WDR20: variants seen among roughly 807,000 people sequenced by gnomAD.
The protein encoded by WDR20 is WD repeat-containing protein 20.
A neutral mutation model predicts 38.7 loss-of-function variants in WDR20; 3 were observed. That is an observed-to-expected ratio of 0.08 (90% confidence interval 0.04 to 0.20). The LOEUF (loss-of-function observed/expected upper bound fraction) is 0.20. Ranked by LOEUF, WDR20 falls within the 10% of genes least tolerant of loss-of-function variation. The pLI is 1.00. For missense variants in WDR20, 559 were observed against 727.7 expected, an observed-to-expected ratio of 0.77 and a Z score of 2.67; for synonymous variants, 298 against 285.6, an observed-to-expected ratio of 1.04 and a Z score of -0.44.
At chr14:102,214,336 C>T, downstream of WDR20, 1 of 985,412 alleles carries the variant, frequency 1.0e-6, no homozygotes, top group Non-Finnish European at 1.2e-6. Context: ...CACAGCGACC[C>T]CAAGTGATGT....
In WDR20 at chr14:102,208,170, C is replaced by T. The variant is rs1341714529; in HGVS notation, c.433-433C>T. Among the ~76,000 whole-genome samples the T allele has an allele frequency of 6.6e-6, 1 of 152,246 alleles. No individual in the cohort carries two copies. Among genetic ancestry groups the T allele is most frequent in the Non-Finnish European group, 1.5e-5 (1 of 68,044 alleles). ...GAACCCGTGAGGGTGAGGCAGAGCC[C>T]TCCTGGCTGTGAGGACTCACAGGCT... On this transcript the variant is annotated intron_variant, in intron 2 of 2. Transcript: ENST00000342702. This position sits in a 1 kb window ranked among gnomAD's most constrained non-coding sequence, Gnocchi z 5.6.
chr14:102,140,352 C>A, intron 1 of WDR20, 180 bp downstream of exon 1: 3 of 1,001,702 alleles, frequency 3.0e-6, no homozygotes, highest in Non-Finnish European at 2.7e-6. Context: ...AGGGTGGTGG[C>A]GGTGGCGTTT....
intron 1 of WDR20, among the ~76,000 whole-genome samples, chr14:102,188,328 CT>C (rs2065387213): frequency 6.6e-6 from 1 of 152,192 alleles, no homozygotes; most frequent in African/African-American, 2.4e-5. Flanking sequence ...AGGCTGCAAG[CT>C]TTTTGCCTTT....
intron 1 of WDR20, among the ~76,000 whole-genome samples, chr14:102,192,697 C>T (rs1007607061): frequency 2.6e-5 from 4 of 152,230 alleles, no homozygotes; most frequent in Middle Eastern, 3.4e-3. Flanking sequence ...AGAAACATTA[C>T]GTATTTTTTA....
Position 102,207,757 on chromosome 14 carries a change from T to C in WDR20, c.433-846T>C, listed in dbSNP as rs1377034880. ...TTGATTGGCAAGCAGGGAAAGAGACTTGTGCCTTTGGTGGGGCAGGTATTT... is the reference window on the plus strand; with the variant it reads ...TTGATTGGCAAGCAGGGAAAGAGACCTGTGCCTTTGGTGGGGCAGGTATTT... On this transcript the variant is annotated intron_variant, in intron 2 of 2. Transcript: ENST00000342702. This position sits in a 1 kb window ranked among gnomAD's most constrained non-coding sequence, Gnocchi z 5.0. Among the ~76,000 whole-genome samples the C allele has an allele frequency of 6.6e-6, 1 of 152,202 alleles. No individual in the cohort carries two copies. Among genetic ancestry groups the C allele is most frequent in the Non-Finnish European group, 1.5e-5 (1 of 68,030 alleles).
At chr14:102,206,145 C>T (rs954761268) in intron 2 of WDR20, among the ~76,000 whole-genome samples, 4 of 152,124 alleles carry the variant, frequency 2.6e-5, no homozygotes, top group African/African-American at 9.7e-5. Context: ...CACTACCATG[C>T]CCAGCTAATT....
intron 1 of WDR20, among the ~76,000 whole-genome samples, chr14:102,166,078 G>C (rs1329508442): frequency 6.6e-6 from 1 of 151,802 alleles, no homozygotes; most frequent in African/African-American, 2.4e-5. Flanking sequence ...TGCAACCTTC[G>C]CCTCTTGGGC....
intron 2 of WDR20, among the ~76,000 whole-genome samples, chr14:102,199,682 G>A (rs1316626099): frequency 1.3e-5 from 2 of 152,112 alleles, no homozygotes; most frequent in African/African-American, 4.8e-5. Context: ...CTGGTGCCTG[G>A]TACATGAAAA....
At chr14:102,151,886 C>G (rs576818118) in intron 1 of WDR20, among the ~76,000 whole-genome samples, 86 of 151,646 alleles carry the variant, frequency 5.7e-4, no homozygotes, top group African/African-American at 1.9e-3. Flanking sequence ...TCTATAGGAG[C>G]ATGCTACCAC....
chr14:102,213,071 G>A (rs2062760131), downstream of WDR20: 2 of 988,140 alleles, frequency 2.0e-6, no homozygotes, highest in African/African-American at 1.7e-5. Flanking sequence ...ACCTTCTGAA[G>A]GTGCCAGGCC....
rs1356921258 is a variant in WDR20, at chr14:102,155,288, T to G, written c.249+15116T>G. On this transcript the variant is annotated intron_variant, in intron 1 of 2. Transcript: ENST00000342702. ...GGTACTGTCAAATGTAAGATATTTC[T>G]TTTAGTTATACAAGGATATACCAAA... Among the ~76,000 whole-genome samples, 3 of 152,234 alleles carry G rather than the reference T, an allele frequency of 2.0e-5. No homozygotes were observed. The East Asian group carries it at 5.8e-4, about 29-fold the overall frequency.
At chr14:102,183,139 A>C (rs898437269) in intron 1 of WDR20, among the ~76,000 whole-genome samples, 9 of 152,218 alleles carry the variant, frequency 5.9e-5, no homozygotes, top group African/African-American at 2.2e-4. Flanking sequence ...ATATATGACA[A>C]ATGACTAACA....
intron 1 of WDR20, among the ~76,000 whole-genome samples, chr14:102,141,586 T>C (rs962835255): frequency 6.6e-6 from 1 of 152,280 alleles, no homozygotes; most frequent in Admixed American, 6.5e-5. Context: ...ACTGACTTGT[T>C]TGGGTGACCT....
downstream of WDR20, among the ~76,000 whole-genome samples, chr14:102,219,750 C>T (rs566234255): frequency 1.6e-4 from 25 of 152,372 alleles, no homozygotes; most frequent in South Asian, 5.2e-3. Context: ...CATGGCGATG[C>T]ATTCTAAAAG....
intron 1 of WDR20, among the ~76,000 whole-genome samples, chr14:102,156,322 C>A (rs569299123): frequency 6.6e-6 from 1 of 151,634 alleles, no homozygotes; most frequent in African/African-American, 2.4e-5. Flanking sequence ...CACCCACCCC[C>A]ACGTCCAGCT....
chr14:102,213,163 GCGATGGGGCAGGCTTCTAAACACTA>G, downstream of WDR20: 1 of 985,724 alleles, frequency 1.0e-6, no homozygotes, highest in Non-Finnish European at 1.2e-6. Context: ...TGCTGTGACT[GCGATGGGGCAGGCTTCTAAACACTA>G]CTGGTGGCCC....
At chr14:102,153,102 G>A (rs2056462978) in intron 1 of WDR20, among the ~76,000 whole-genome samples, 1 of 152,054 alleles carries the variant, frequency 6.6e-6, no homozygotes, top group Non-Finnish European at 1.5e-5. Flanking sequence ...GTGAGTACGA[G>A]TTCTCTCCAG....
intron 2 of WDR20, among the ~76,000 whole-genome samples, chr14:102,202,184 AC>A (rs2060521701): frequency 1.4e-5 from 2 of 145,326 alleles, no homozygotes; most frequent in South Asian, 4.4e-4. Context: ...CCTAAGGACC[AC>A]CCCCTCCCTG....
At chr14:102,182,856 C>G (rs1037549161) in intron 1 of WDR20, among the ~76,000 whole-genome samples, 1 of 151,718 alleles carries the variant, frequency 6.6e-6, no homozygotes, top group African/African-American at 2.4e-5. Flanking sequence ...ATATATGGCC[C>G]AAACAGAATT....
Sources: allele counts gnomAD v4.1 joint callset (sites outside exome capture counted in the v4.1 genomes callset), GRCh38; gene constraint gnomAD v4.1.1; non-coding constraint Gnocchi (gnomAD v3.1); transcripts MANE v1.5; gene names NCBI Gene and HGNC (gene_info 2026-07-23, HGNC 2026-07-21).